Variants in TEKT5 observed in about 807,000 individuals in gnomAD.
The protein encoded by TEKT5 is tektin 5.
In TEKT5, 52 loss-of-function variants were observed where a neutral mutation model predicts 48.7. That is an observed-to-expected ratio of 1.07 (90% CI 0.86 to 1.35). The LOEUF (loss-of-function observed/expected upper bound fraction) is 1.35, where lower values mean the gene tolerates loss of function less well. TEKT5 is among the 40% of genes most tolerant of loss of function. The pLI is 0.00. For missense variants in TEKT5, 831 were observed against 641.6 expected, an observed-to-expected ratio of 1.30 and a Z score of -3.19; for synonymous variants, 318 against 267.6, an observed-to-expected ratio of 1.19 and a Z score of -1.84.
At chr16:10,693,205 T>C (rs1478709888) in intron 1 of TEKT5, among the ~76,000 whole-genome samples, 1 of 152,144 alleles carries the variant, frequency 6.6e-6, no homozygotes, top group Non-Finnish European at 1.5e-5. Context: ...AAGAGATTCT[T>C]ATGCTTCAGC....
At chr16:10,678,362 G>T (rs1898686422) in intron 4 of TEKT5, among the ~76,000 whole-genome samples, 1 of 152,164 alleles carries the variant, frequency 6.6e-6, no homozygotes, top group South Asian at 2.1e-4. Flanking sequence ...CTCCCAAAGT[G>T]CTGGAATTAC....
At chr16:10,647,248 T>C (rs906358453) in intron 5 of TEKT5, among the ~76,000 whole-genome samples, 1 of 151,698 alleles carries the variant, frequency 6.6e-6, no homozygotes, top group Non-Finnish European at 1.5e-5. Flanking sequence ...GGCAGGCAGA[T>C]TGCTTGAGTC....
At chr16:10,635,648 G>A (rs538575733) in intron 6 of TEKT5, 116 bp downstream of exon 6, 14 of 1,459,640 alleles carry the variant, frequency 9.6e-6, no homozygotes, top group Middle Eastern at 1.8e-4. Flanking sequence ...TGGATGTCCT[G>A]ATTGAAGGAG....
rs759487224 is a variant in TEKT5, at chr16:10,635,845, G to C, written c.1160C>G (p.Pro387Arg). Residue 387 changes from proline (P) to arginine (R), a missense_variant, in exon 6 of 7, where the codon CCG becomes CGG. Transcript: ENST00000283025. ...LERSIMAKEG[P>R]LKVAQTRLEC... is the part of the protein sequence containing the mutation. ...CAGCCTTGTCTGGGCCACCTTCAGC[G>C]GGCCCTCCTTGGCCATGATGGACCT... 6.2e-7 allele frequency: 1 copy of C among 1,614,002 alleles called. No individual in the cohort carries two copies. The highest frequency in any genetic ancestry group is 1.7e-5 in the Admixed American group (1 of 60,010).
chr16:10,670,945 C>G (rs997454995), intron 5 of TEKT5, among the ~76,000 whole-genome samples: 12 of 151,852 alleles, frequency 7.9e-5, no homozygotes, highest in African/African-American at 2.7e-4. Context: ...TGCTCTGTCA[C>G]CCAGGCTGGA....
chr16:10,658,470 G>A (rs1898301573), intron 5 of TEKT5, among the ~76,000 whole-genome samples: 1 of 152,150 alleles, frequency 6.6e-6, no homozygotes, highest in African/African-American at 2.4e-5. Context: ...ATACTATATT[G>A]AGTAGAAGCA....
chr16:10,657,176 A>G (rs891254411), intron 5 of TEKT5, among the ~76,000 whole-genome samples: 1 of 146,108 alleles, frequency 6.8e-6, no homozygotes, highest in African/African-American at 2.6e-5. Context: ...CCCAGGCTGG[A>G]GTGCAATGGT....
intron 6 of TEKT5, among the ~76,000 whole-genome samples, chr16:10,628,882 G>A (rs1384354634): frequency 6.7e-6 from 1 of 148,626 alleles, no homozygotes; most frequent in African/African-American, 2.6e-5. Context: ...CTCCAGCCTG[G>A]GAGCCTGAGC....
At chr16:10,647,549 C>T (rs2719761) in intron 5 of TEKT5, among the ~76,000 whole-genome samples, 3,129 of 151,972 alleles carry the variant, frequency 0.021, 107 homozygotes, top group African/African-American at 0.072. Flanking sequence ...CAGGGCAGCT[C>T]CCAGGATGCT....
At chr16:10,667,334 C>G (rs1898474859) in intron 5 of TEKT5, among the ~76,000 whole-genome samples, 1 of 152,296 alleles carries the variant, frequency 6.6e-6, no homozygotes, top group South Asian at 2.1e-4. Context: ...GAACTGTAAC[C>G]TAACTGGATG....
intron 5 of TEKT5, among the ~76,000 whole-genome samples, chr16:10,671,356 T>C (rs1898545980): frequency 6.6e-6 from 1 of 152,156 alleles, no homozygotes; most frequent in Non-Finnish European, 1.5e-5. Context: ...TAAAAGAAGA[T>C]GCACAAGAGC....
intron 4 of TEKT5, 47 bp downstream of exon 4, chr16:10,681,946 C>G: frequency 6.2e-7 from 1 of 1,600,346 alleles, no homozygotes; most frequent in Non-Finnish European, 8.5e-7. Flanking sequence ...GAAGCCCTCA[C>G]TCCAGTTGGA....
At position 10,660,411 on chromosome 16, in the gene TEKT5, G is replaced by C. The variant is rs2719659; in HGVS notation, c.1086+15548C>G. ...CCACCTGCTGGCAGAATTCTGTGCA[G>C]GGTGTCCTGGAGGTAAAAGGTCAGT... On this transcript the variant is annotated intron_variant, in intron 5 of 6. Transcript: ENST00000283025. 6.4e-3 allele frequency among the ~76,000 whole-genome samples: 975 copies of C among 152,022 alleles called. 13 individuals carry two copies. Among genetic ancestry groups the C allele is most frequent in the African/African-American group, 0.022 (904 of 41,426 alleles).
At chr16:10,665,462 C>T (rs1898441800) in intron 5 of TEKT5, among the ~76,000 whole-genome samples, 1 of 152,198 alleles carries the variant, frequency 6.6e-6, no homozygotes, top group Non-Finnish European at 1.5e-5. Flanking sequence ...GAAACAGTCT[C>T]GTTTGTGCTG....
At chr16:10,653,092 G>A (rs1243634327) in intron 5 of TEKT5, among the ~76,000 whole-genome samples, 2 of 152,226 alleles carry the variant, frequency 1.3e-5, no homozygotes, top group Non-Finnish European at 2.9e-5. Context: ...CTGTTCCCAT[G>A]AAGTTGGAGG....
intron 5 of TEKT5, among the ~76,000 whole-genome samples, chr16:10,675,181 G>C (rs1898622893): frequency 6.6e-6 from 1 of 152,110 alleles, no homozygotes; most frequent in Non-Finnish European, 1.5e-5. Context: ...CCTCTGACTT[G>C]ACTATCATCC....
intron 5 of TEKT5, among the ~76,000 whole-genome samples, chr16:10,669,299 A>C (rs939487601): frequency 2.4e-5 from 3 of 127,498 alleles, no homozygotes; most frequent in African/African-American, 1.0e-4. Context: ...TACTAAATAT[A>C]CAAAAAAAAA....
At chr16:10,635,145 T>C (rs758605116) in intron 6 of TEKT5, among the ~76,000 whole-genome samples, 1 of 151,740 alleles carries the variant, frequency 6.6e-6, no homozygotes, top group Non-Finnish European at 1.5e-5. Context: ...CTGTTCCTTC[T>C]TGGCCTGGCC....
At chr16:10,684,200 T>G (rs1050654453) in intron 3 of TEKT5, among the ~76,000 whole-genome samples, 3 of 152,012 alleles carry the variant, frequency 2.0e-5, no homozygotes, top group Non-Finnish European at 4.4e-5. Context: ...GAGAAGGGAG[T>G]AACTTCCATT....
Sources: gnomAD v4.1 joint callset for allele counts (sites outside exome capture counted in the v4.1 genomes callset) on GRCh38, gnomAD v4.1.1 for gene constraint, MANE v1.5 for transcripts, NCBI Gene and HGNC (gene_info 2026-07-23, HGNC 2026-07-21) for gene names.